The following MSRA variants were observed in gnomAD, a reference collection of about 807,000 sequenced individuals.
MSRA encodes the protein methionine sulfoxide reductase A.
A neutral mutation model predicts 31.3 loss-of-function variants in MSRA; 54 were observed. That is an observed-to-expected ratio of 1.73 (90% CI 1.39 to 2.17). The LOEUF is 2.17. MSRA is among the 30% of genes most tolerant of loss of function. The pLI is 0.00. For missense variants in MSRA, 507 were observed against 300.9 expected, an observed-to-expected ratio of 1.69 and a Z score of -5.07; for synonymous variants, 169 against 116.5, an observed-to-expected ratio of 1.45 and a Z score of -2.90.
Position 10,107,647 on chromosome 8 carries a change from A to G in MSRA, c.142+52989A>G, listed in dbSNP as rs1433927554. Among the ~76,000 whole-genome samples, 7 of 152,338 alleles carry G rather than the reference A, an allele frequency of 4.6e-5. No homozygotes were observed. The East Asian group carries it at 7.7e-4, about 17-fold the overall frequency. On this transcript the variant is annotated intron_variant, in intron 1 of 5. Coordinates refer to ENST00000317173, the MANE Select transcript of MSRA (RefSeq NM_012331.5). ...CAAAAGAAAACCACAAAAACCCAAC[A>G]TGCTGTTTAAATAAAGAAAAATGAG...
At position 10,216,875 on chromosome 8, in the gene MSRA, G is replaced by C. The variant is rs146577327; in HGVS notation, c.211+8974G>C. Among the ~76,000 whole-genome samples the C allele has an allele frequency of 1.4e-4, 22 of 152,306 alleles. 1 individual carries two copies. In the East Asian group the frequency reaches 4.3e-3, roughly 29 times the overall value. ...AGGCTGCGATGAACCTGAGTGTACA[G>C]ATCTCTCTTCAAGTCCCTGCTTTCC... On this transcript the variant is annotated intron_variant, in intron 2 of 5. Coordinates refer to ENST00000317173, the MANE Select transcript of MSRA (RefSeq NM_012331.5).
chr8:10,156,341 T>C (rs1364735304), intron 1 of MSRA, among the ~76,000 whole-genome samples: 3 of 152,110 alleles, frequency 2.0e-5, no homozygotes, highest in Non-Finnish European at 4.4e-5. Flanking sequence ...GGAGAAGGTG[T>C]TTATTCTTGA....
In MSRA at chr8:10,301,506, T is replaced by A; in HGVS notation, c.332-28T>A. 3 of 1,572,506 alleles carry A rather than the reference T, an allele frequency of 1.9e-6. No individual in the cohort carries two copies. The South Asian group carries it at 3.4e-5, about 18-fold the overall frequency. ...CAATAAATGGATGTTGTCAGTAAAT[T>A]TCGGTTGTACGTTTTGTTTTTTCCA... On this transcript the variant is annotated intron_variant, in intron 3 of 5. Coordinates refer to ENST00000317173, the MANE Select transcript of MSRA (RefSeq NM_012331.5).
chr8:10,219,813 A>AAAAAAAAAAC, intron 2 of MSRA, among the ~76,000 whole-genome samples: 1 of 150,644 alleles, frequency 6.6e-6, no homozygotes, highest in Non-Finnish European at 1.5e-5. Flanking sequence ...CTCCAAAAAA[A>AAAAAAAAAAC]AAAAAAAAAA....
chr8:10,140,714 T>G (rs1802629212), intron 1 of MSRA, among the ~76,000 whole-genome samples: 1 of 151,928 alleles, frequency 6.6e-6, no homozygotes, highest in Non-Finnish European at 1.5e-5. Flanking sequence ...GAAAAATGAG[T>G]CAAGATCAAC....
intron 1 of MSRA, among the ~76,000 whole-genome samples, chr8:10,182,656 A>T (rs1806648076): frequency 6.6e-6 from 1 of 152,178 alleles, no homozygotes; most frequent in Non-Finnish European, 1.5e-5. Flanking sequence ...TGATCATCAC[A>T]TCATGGAGAA....
chr8:10,224,196 C>G lies in MSRA; in HGVS notation c.211+16295C>G, dbSNP rs116024444. ...CCAAACCAGTTCTTTTTGTGGTTAT[C>G]TGGTGTCACCGTTCACCCACTTAGC... On this transcript the variant is annotated intron_variant, in intron 2 of 5. Coordinates refer to ENST00000317173, the MANE Select transcript of MSRA (RefSeq NM_012331.5). 5.0e-3 allele frequency among the ~76,000 whole-genome samples: 767 copies of G among 152,274 alleles called. 7 individuals carry two copies. The highest frequency in any genetic ancestry group is 0.018 in the African/African-American group (731 of 41,554).
chr8:10,195,764 A>G (rs1807916959), intron 1 of MSRA, among the ~76,000 whole-genome samples: 1 of 152,198 alleles, frequency 6.6e-6, no homozygotes, highest in African/African-American at 2.4e-5. Context: ...GTAAAAAGAG[A>G]ATCAAGACAA....
At chr8:10,229,143 G>A (rs1203062424) in intron 2 of MSRA, among the ~76,000 whole-genome samples, 1 of 152,172 alleles carries the variant, frequency 6.6e-6, no homozygotes, top group African/African-American at 2.4e-5. Flanking sequence ...CAGACATCCT[G>A]CTGTGTGACT....
chr8:10,261,019 AGAAT>A (rs1798451447), intron 3 of MSRA, among the ~76,000 whole-genome samples: 1 of 152,236 alleles, frequency 6.6e-6, no homozygotes, highest in African/African-American at 2.4e-5. Flanking sequence ...TTCAGCTTTC[AGAAT>A]GAAGTATAAA....
intron 1 of MSRA, among the ~76,000 whole-genome samples, chr8:10,094,684 G>C (rs962413444): frequency 6.6e-6 from 1 of 152,166 alleles, no homozygotes; most frequent in South Asian, 2.1e-4. Flanking sequence ...AAGCATCATA[G>C]GTAAAAATGA....
chr8:10,250,768 G>A lies in MSRA; in HGVS notation c.331+5545G>A, dbSNP rs369399990. ...GTCAGGTGCTTATGTGTCCTGTCCT[G>A]AGCCCGTTTCCTCTCTTGTAAAATG... On this transcript the variant is annotated intron_variant, in intron 3 of 5. Transcript: ENST00000317173. 3.7e-5 allele frequency: 13 copies of A among 348,944 alleles called. 1 individual carries two copies. The East Asian group carries it at 5.3e-4, about 14-fold the overall frequency. The allele number at this position is 348,944 out of a possible 1,614,324, so 21.6% of individuals were successfully genotyped here.
chr8:10,271,408 T>C (rs1415204311), intron 3 of MSRA, among the ~76,000 whole-genome samples: 1 of 152,204 alleles, frequency 6.6e-6, no homozygotes, highest in Non-Finnish European at 1.5e-5. Flanking sequence ...TTAGAGTACA[T>C]GACCAAATAC....
At chr8:10,241,124 A>G (rs181857832) in intron 2 of MSRA, among the ~76,000 whole-genome samples, 1 of 152,128 alleles carries the variant, frequency 6.6e-6, no homozygotes, top group Non-Finnish European at 1.5e-5. Context: ...CAGCCACATC[A>G]TCCCCTAGTG....
chr8:10,362,898 C>T (rs767762116), intron 5 of MSRA, among the ~76,000 whole-genome samples: 1 of 152,042 alleles, frequency 6.6e-6, no homozygotes, highest in Non-Finnish European at 1.5e-5. Flanking sequence ...CTGCCCCTGC[C>T]TCCCTCCCTA....
At position 10,401,091 on chromosome 8, in the gene MSRA, A is replaced by G. The variant is rs1281628172; in HGVS notation, c.544-27057A>G. On this transcript the variant is annotated intron_variant, in intron 5 of 5. Coordinates refer to ENST00000317173, the MANE Select transcript of MSRA (RefSeq NM_012331.5). ...TAAAAACTTTTACACATCAGTGGAC[A>G]CTATCAAGAATATAAAAAAAAACAA... Among the ~76,000 whole-genome samples, 4 of 78,782 alleles carry G rather than the reference A, an allele frequency of 5.1e-5. No individual in the cohort carries two copies. The South Asian group carries it at 2.8e-3, about 54-fold the overall frequency. The allele number at this position is 78,782 out of a possible 152,430, so 51.7% of individuals were successfully genotyped here.
At chr8:10,202,968 C>A (rs950458377) in intron 1 of MSRA, among the ~76,000 whole-genome samples, 2 of 152,034 alleles carry the variant, frequency 1.3e-5, no homozygotes, top group East Asian at 1.9e-4. Context: ...ATCGCCTGTT[C>A]TTAGCCACCA....
intron 3 of MSRA, among the ~76,000 whole-genome samples, chr8:10,268,060 A>T (rs1018633504): frequency 2.6e-5 from 4 of 152,128 alleles, no homozygotes; most frequent in African/African-American, 9.7e-5. Flanking sequence ...CAGGGCCAAG[A>T]CCTGTAATTT....
Position 10,397,182 on chromosome 8 carries a change from C to T in MSRA, c.544-30966C>T, listed in dbSNP as rs371132178. Reference sequence around the variant, plus strand: ...TGACCTTCTGCTAGAATGTATATTTCCCTGGTCCTGTTTTATTTGTGTGAG... The same window carrying T: ...TGACCTTCTGCTAGAATGTATATTTTCCTGGTCCTGTTTTATTTGTGTGAG... On this transcript the variant is annotated intron_variant, in intron 5 of 5. Transcript: ENST00000317173. 3.5e-4 allele frequency among the ~76,000 whole-genome samples: 53 copies of T among 152,288 alleles called. 1 individual carries two copies. The South Asian group carries it at 1.0e-2, about 29-fold the overall frequency.
Sources: gnomAD v4.1 joint callset for allele counts (sites outside exome capture counted in the v4.1 genomes callset) on GRCh38, gnomAD v4.1.1 for gene constraint, MANE v1.5 for transcripts, NCBI Gene and HGNC (gene_info 2026-07-23, HGNC 2026-07-21) for gene names.